The following TSPEAR variants were observed in gnomAD, a reference collection of about 807,000 sequenced individuals.
TSPEAR encodes thrombospondin type laminin G domain and EAR repeats.
Under a neutral mutation model 71.6 loss-of-function variants are expected in TSPEAR, and 69 were observed. The ratio of observed to expected loss-of-function variants is 0.96; its 90% CI spans 0.79 to 1.18. The LOEUF (loss-of-function observed/expected upper bound fraction) is 1.18, where lower values mean the gene tolerates loss of function less well. Ranked by LOEUF, TSPEAR falls within the 50% of genes most tolerant of loss-of-function variation. The pLI is 0.00. For missense variants in TSPEAR, 971 were observed against 894.9 expected (o/e 1.09, Z -1.09); for synonymous variants, 402 against 387.2 (o/e 1.04, Z -0.45).
chr21:44,636,149 T>A (rs73907095), intron 1 of TSPEAR, among the ~76,000 whole-genome samples: 5,031 of 152,216 alleles, frequency 0.033, 309 homozygotes, highest in African/African-American at 0.11. Flanking sequence ...GTGTACCCAA[T>A]GATTCCTTCA....
intron 1 of TSPEAR, among the ~76,000 whole-genome samples, chr21:44,610,471 T>C (rs1981590123): frequency 6.6e-6 from 1 of 152,224 alleles, no homozygotes; most frequent in South Asian, 2.1e-4. Flanking sequence ...AAGTCAAGAA[T>C]TGAAGTTTGG....
chr21:44,703,195 G>T (rs531394090), intron 1 of TSPEAR, among the ~76,000 whole-genome samples: 6 of 152,118 alleles, frequency 3.9e-5, no homozygotes, highest in African/African-American at 4.8e-5. Flanking sequence ...ATTCTTTCTC[G>T]GGCCCTCTAT....
At chr21:44,616,221 C>T (rs1982085528) in intron 1 of TSPEAR, among the ~76,000 whole-genome samples, 1 of 152,206 alleles carries the variant, frequency 6.6e-6, no homozygotes, top group African/African-American at 2.4e-5. Flanking sequence ...GCCAGGGTCA[C>T]CTCTGCTCTA....
chr21:44,698,724 G>A lies in TSPEAR; in HGVS notation c.82+12709C>T, dbSNP rs570311188. On this transcript the variant is annotated intron_variant, in intron 1 of 11. Transcript: ENST00000323084. The stretch of plus-strand genomic sequence containing the variant: ...GGAGATTCAGAGTCCCGGGACAAGC[G>A]TCCAGGCTCAGCTGCCAAACCTCTC... Among the ~76,000 whole-genome samples the A allele has an allele frequency of 8.3e-4, 127 of 152,328 alleles. 1 individual carries two copies. The highest frequency in any genetic ancestry group is 1.0e-3 in the South Asian group (5 of 4,826).
At chr21:44,694,903 C>T (rs149463601) in intron 1 of TSPEAR, among the ~76,000 whole-genome samples, 65 of 152,288 alleles carry the variant, frequency 4.3e-4, no homozygotes, top group East Asian at 1.5e-3. Context: ...GAGGACACTC[C>T]GGGTGGAATG....
rs1242122129 is a variant in TSPEAR at position 44,588,749 on chromosome 21, ATATATATGTATGTGTG to A, written c.83-20760_83-20745del. ...GTGTGTATATATGTATATATATGTTATATATATGTATGTGTGTATATATATGTATGTGTGTGTGTAT... is the reference window on the plus strand; with the variant it reads ...GTGTGTATATATGTATATATATGTTATATATATATGTATGTGTGTGTGTAT... On this transcript the variant is annotated intron_variant, in intron 1 of 11. Transcript: ENST00000323084. 3.8e-3 allele frequency among the ~76,000 whole-genome samples: 519 copies of A among 138,178 alleles called. 3 individuals carry two copies. Among genetic ancestry groups the A allele is most frequent in the African/African-American group, 7.5e-3 (291 of 38,602 alleles). The allele number at this position is 138,178 out of a possible 152,430, so 90.7% of individuals were successfully genotyped here.
intron 1 of TSPEAR, among the ~76,000 whole-genome samples, chr21:44,659,954 T>C (rs1555943354): frequency 6.6e-6 from 1 of 152,186 alleles, no homozygotes; most frequent in East Asian, 1.9e-4. Flanking sequence ...AAAGGTCAAG[T>C]GGATATGGTA....
intron 2 of TSPEAR, among the ~76,000 whole-genome samples, chr21:44,544,266 T>A (rs1286095016): frequency 6.6e-6 from 1 of 151,634 alleles, no homozygotes; most frequent in Non-Finnish European, 1.5e-5. Flanking sequence ...ATTCTGTAGA[T>A]GTGATATTAT....
At chr21:44,643,375 G>C (rs587732337) in intron 1 of TSPEAR, among the ~76,000 whole-genome samples, 1 of 152,134 alleles carries the variant, frequency 6.6e-6, no homozygotes, top group South Asian at 2.1e-4. Flanking sequence ...ACGCAACATA[G>C]TAACACCGAA....
chr21:44,568,608 C>T (rs960296527), intron 1 of TSPEAR, among the ~76,000 whole-genome samples: 27 of 151,998 alleles, frequency 1.8e-4, no homozygotes, highest in African/African-American at 4.6e-4. Context: ...TGGCCTCCTC[C>T]GAGGCCAGGT....
intron 8 of TSPEAR, 91 bp downstream of exon 8, chr21:44,525,562 T>C: frequency 7.4e-7 from 1 of 1,349,554 alleles, no homozygotes; most frequent in Non-Finnish European, 1.0e-6. Flanking sequence ...GGCTTATTGT[T>C]TTCTAATAAG....
rs1287463600 is a variant in TSPEAR, at chr21:44,579,686, TC to T, written c.83-11682del. 1.9e-6 allele frequency: 3 copies of T among 1,548,558 alleles called. No homozygotes were observed. The East Asian group carries it at 6.7e-5, about 35-fold the overall frequency. ...GGCCCCGTCCCAAGCGGGGGCAACC[TC>T]CTAACCCGAGTCAGGACCAGTTGGC... On this transcript the variant is annotated intron_variant, in intron 1 of 11. Coordinates refer to ENST00000323084, the MANE Select transcript of TSPEAR (RefSeq NM_144991.3).
chr21:44,602,239 T>C (rs1601473613), intron 1 of TSPEAR: 1 of 184,760 alleles, frequency 5.4e-6, no homozygotes, highest in African/African-American at 2.4e-5. Context: ...CACCCGCGGG[T>C]GGTCCTGGGC....
chr21:44,708,140 C>G (rs895758886), intron 1 of TSPEAR, among the ~76,000 whole-genome samples: 4 of 152,122 alleles, frequency 2.6e-5, no homozygotes, highest in Non-Finnish European at 5.9e-5. Flanking sequence ...GTAACCCGTG[C>G]ATGCATGCAT....
At chr21:44,608,421 T>C (rs1339965206) in intron 1 of TSPEAR, among the ~76,000 whole-genome samples, 11 of 152,208 alleles carry the variant, frequency 7.2e-5, no homozygotes, top group African/African-American at 2.4e-4. Context: ...CACGTGGACG[T>C]TGGCAAATGC....
rs2052203881 is a variant in TSPEAR, at chr21:44,506,426, G to T, written c.1755-1545C>A. Among the ~76,000 whole-genome samples the T allele has an allele frequency of 6.6e-6, 1 of 152,270 alleles. No individual in the cohort carries two copies. The highest frequency in any genetic ancestry group is 1.5e-5 in the Non-Finnish European group (1 of 68,044). ...AGGGCTGTGGCCAGTTCAGGCAGCA[G>T]AGGGGCCTCATCCCGGTGCTTCCCT... On this transcript the variant is annotated intron_variant, in intron 10 of 11. Transcript: ENST00000323084. This position sits in a 1 kb window ranked among gnomAD's most constrained non-coding sequence, Gnocchi z 4.2.
intron 1 of TSPEAR, among the ~76,000 whole-genome samples, chr21:44,671,161 C>T (rs781949638): frequency 6.6e-6 from 1 of 152,238 alleles, no homozygotes; most frequent in Non-Finnish European, 1.5e-5. Context: ...GCCACTACCA[C>T]CAGCGCTCAC....
intron 1 of TSPEAR, among the ~76,000 whole-genome samples, chr21:44,689,851 T>C (rs921100991): frequency 4.0e-5 from 6 of 150,446 alleles, no homozygotes; most frequent in Non-Finnish European, 7.4e-5. Context: ...CTGAAGAACT[T>C]GGAGTCCAGT....
intron 1 of TSPEAR, among the ~76,000 whole-genome samples, chr21:44,706,602 C>T (rs73909246): frequency 2.6e-5 from 4 of 152,206 alleles, no homozygotes; most frequent in Non-Finnish European, 5.9e-5. Flanking sequence ...TGCTGGGTTG[C>T]GCTTCACCCA....
Sources: allele counts gnomAD v4.1 joint callset (sites outside exome capture counted in the v4.1 genomes callset), GRCh38; gene constraint gnomAD v4.1.1; non-coding constraint Gnocchi (gnomAD v3.1); transcripts MANE v1.5; gene names NCBI Gene and HGNC (gene_info 2026-07-23, HGNC 2026-07-21).